The following DLG2 variants were observed in gnomAD, a reference collection of about 807,000 sequenced individuals.
The protein encoded by DLG2 is discs large MAGUK scaffold protein 2.
A neutral mutation model predicts 132.5 loss-of-function variants in DLG2; 45 were observed. The ratio of observed to expected loss-of-function variants is 0.34; its 90% confidence interval spans 0.27 to 0.44. The LOEUF (loss-of-function observed/expected upper bound fraction) is 0.44, where lower values mean the gene tolerates loss of function less well. Ranked by LOEUF, DLG2 falls within the 20% of genes least tolerant of loss-of-function variation. DLG2 has a pLI of 1.00. For synonymous variants in DLG2, 424 were observed against 419.6 expected (o/e 1.01, Z -0.13); for missense variants, 1,045 against 1,196.9 (o/e 0.87, Z 1.87).
chr11:84,112,428 G>GT (rs1029220613), intron 9 of DLG2, among the ~76,000 whole-genome samples: 6 of 123,374 alleles, frequency 4.9e-5, no homozygotes, highest in African/African-American at 6.1e-5. Context: ...TGTTCCTGCT[G>GT]TTTTTTTTCT....
At chr11:83,520,403 G>A (rs1221518082) in intron 21 of DLG2, among the ~76,000 whole-genome samples, 8 of 152,262 alleles carry the variant, frequency 5.3e-5, no homozygotes, top group Admixed American at 5.2e-4. Flanking sequence ...CTGGAGTCAT[G>A]GAAATTATTT....
chr11:84,254,858 C>T lies in DLG2; in HGVS notation c.520-3567G>A, dbSNP rs2097440860. The stretch of plus-strand genomic sequence containing the variant: ...ATCCAGAAGCCACTGCTAACACCTA[C>T]CTCTCTAAAAGTCATTAAAAATGCA... On this transcript the variant is annotated intron_variant, in intron 7 of 27. Coordinates refer to ENST00000376104, the MANE Select transcript of DLG2 (RefSeq NM_001142699.3). 2.0e-5 allele frequency among the ~76,000 whole-genome samples: 3 copies of T among 152,142 alleles called. No homozygotes were observed. In the South Asian group the frequency reaches 6.2e-4, roughly 32 times the overall value.
chr11:84,375,586 G>C (rs1370387519), intron 7 of DLG2, among the ~76,000 whole-genome samples: 1 of 151,958 alleles, frequency 6.6e-6, no homozygotes, highest in Non-Finnish European at 1.5e-5. Flanking sequence ...TCTACAGATA[G>C]ACTGAATATT....
intron 6 of DLG2, among the ~76,000 whole-genome samples, chr11:84,611,128 A>G (rs1356097042): frequency 1.3e-5 from 2 of 151,610 alleles, no homozygotes; most frequent in African/African-American, 4.9e-5. Context: ...CAAATCTACT[A>G]TTTACTTACC....
At chr11:84,898,098 A>T (rs2090430695) in intron 6 of DLG2, among the ~76,000 whole-genome samples, 1 of 151,962 alleles carries the variant, frequency 6.6e-6, no homozygotes, top group Admixed American at 6.6e-5. Flanking sequence ...CTTTGCAAAG[A>T]TATAACAATA....
intron 18 of DLG2, among the ~76,000 whole-genome samples, chr11:83,678,486 T>C (rs996442109): frequency 9.2e-5 from 14 of 152,292 alleles, no homozygotes; most frequent in African/African-American, 2.9e-4. Context: ...TCTCAGCTCA[T>C]GAGTGCAAGC....
At chr11:84,386,070 T>G (rs1174345113) in intron 7 of DLG2, among the ~76,000 whole-genome samples, 3 of 152,076 alleles carry the variant, frequency 2.0e-5, no homozygotes, top group Admixed American at 6.6e-5. Flanking sequence ...TACATCTATT[T>G]TTATTACTTT....
intron 14 of DLG2, among the ~76,000 whole-genome samples, chr11:83,944,501 C>T (rs964173726): frequency 6.6e-6 from 1 of 152,074 alleles, no homozygotes; most frequent in African/African-American, 2.4e-5. Flanking sequence ...GCTTTATTAC[C>T]GATCCTGACT....
chr11:84,251,249 T>C lies in DLG2; in HGVS notation c.562A>G (p.Thr188Ala). 6.3e-7 allele frequency: 1 copy of C among 1,586,092 alleles called. No homozygotes were observed. Among genetic ancestry groups the C allele is most frequent in the Non-Finnish European group, 8.6e-7 (1 of 1,169,572 alleles). ...PIIVNTDTLD[T>A]IPYVNGTEIE... Reference sequence around the variant, plus strand: ...AAAAAGTTACTTACATAAGGAATTGTGTCCAAAGTATCTGTGTTGACAATT... The same window carrying C: ...AAAAAGTTACTTACATAAGGAATTGCGTCCAAAGTATCTGTGTTGACAATT... The change falls in exon 8 of 28, where the codon ACA (threonine) becomes GCA (alanine). Residue 188 changes from threonine (T) to alanine (A), a missense_variant. Thr to Ala is a moderately conservative substitution (Grantham distance 58). Around this residue, in one of 4 missense-constraint regions of DLG2, gnomAD observed 277 missense variants for 238.2 expected, o/e 1.16. Transcript: ENST00000376104.
intron 8 of DLG2, among the ~76,000 whole-genome samples, chr11:84,204,381 T>C (rs1430513708): frequency 3.9e-5 from 6 of 152,216 alleles, no homozygotes; most frequent in Admixed American, 1.3e-4. Context: ...GGGCACGGTA[T>C]TGATTCATCT....
intron 3 of DLG2, among the ~76,000 whole-genome samples, chr11:85,296,467 C>CTTTTTTTTTTTTTTTTTTTCTTTT (rs66526147): frequency 8.2e-6 from 1 of 121,554 alleles, no homozygotes; most frequent in Admixed American, 8.4e-5. Context: ...TTTCGATTTT[C>CTTTTTTTTTTTTTTTTTTTCTTTT]TTTTTTTTTT....
intron 15 of DLG2, among the ~76,000 whole-genome samples, chr11:83,912,461 G>A (rs925560433): frequency 5.9e-5 from 9 of 152,070 alleles, no homozygotes; most frequent in African/African-American, 1.4e-4. Flanking sequence ...AAATGGCACC[G>A]TGAAAAGAGT....
chr11:85,284,278 C>CT (rs571673394), intron 4 of DLG2, among the ~76,000 whole-genome samples: 12 of 147,022 alleles, frequency 8.2e-5, no homozygotes, highest in Non-Finnish European at 9.1e-5. Flanking sequence ...TCATGATTAA[C>CT]TTTTTTTTTT....
intron 5 of DLG2, among the ~76,000 whole-genome samples, chr11:85,113,717 T>C (rs1170683195): frequency 2.6e-5 from 4 of 152,044 alleles, no homozygotes; most frequent in African/African-American, 9.7e-5. Context: ...GACCACACTT[T>C]TCTCATCTGT....
At chr11:85,163,444 G>C (rs1321982751) in intron 4 of DLG2, among the ~76,000 whole-genome samples, 1 of 152,070 alleles carries the variant, frequency 6.6e-6, no homozygotes, top group Non-Finnish European at 1.5e-5. Flanking sequence ...CATGATAATA[G>C]AAAGTATAGG....
intron 2 of DLG2, among the ~76,000 whole-genome samples, chr11:85,614,588 C>A (rs2081222377): frequency 6.6e-6 from 1 of 152,142 alleles, no homozygotes; most frequent in Non-Finnish European, 1.5e-5. Flanking sequence ...TGCAGTAAGC[C>A]AAAATGGCGC....
At chr11:85,405,017 A>G (rs1442645537) in intron 3 of DLG2, among the ~76,000 whole-genome samples, 2 of 151,912 alleles carry the variant, frequency 1.3e-5, no homozygotes, top group African/African-American at 4.8e-5. Context: ...GAGTTACAAG[A>G]GTGGTGGAAG....
chr11:85,205,167 T>G (rs111944899), intron 4 of DLG2, among the ~76,000 whole-genome samples: 99 of 138,782 alleles, frequency 7.1e-4, no homozygotes, highest in African/African-American at 2.1e-3. Flanking sequence ...TATATATAGA[T>G]ATATATATAT....
At chr11:83,830,133 G>A (rs542255834) in intron 17 of DLG2, among the ~76,000 whole-genome samples, 1 of 152,110 alleles carries the variant, frequency 6.6e-6, no homozygotes, top group African/African-American at 2.4e-5. Flanking sequence ...ACTGAAAAAA[G>A]CAGATAATAT....
Sources: gnomAD v4.1 joint callset for allele counts (sites outside exome capture counted in the v4.1 genomes callset) on GRCh38, gnomAD v4.1.1 for gene constraint, gnomAD v4.1.1 regional missense constraint, MANE v1.5 for transcripts, NCBI Gene and HGNC (gene_info 2026-07-23, HGNC 2026-07-21) for gene names.